Variants in CCDC85A observed in about 807,000 individuals in gnomAD.
The protein encoded by CCDC85A is coiled-coil domain-containing protein 85A.
CCDC85A carries 38 observed loss-of-function variants against 50.2 expected under a neutral mutation model. The ratio of observed to expected loss-of-function variants is 0.76; its 90% CI spans 0.58 to 0.99. CCDC85A has a LOEUF of 0.99. Ranked by LOEUF, CCDC85A falls within the 50% of genes least tolerant of loss-of-function variation. CCDC85A has a pLI of 0.00. For synonymous variants in CCDC85A, 366 were observed against 301.4 expected (o/e 1.21, Z -2.22); for missense variants, 820 against 742.0 (o/e 1.11, Z -1.22).
At chr2:56,333,623 A>G (rs973017447) in intron 2 of CCDC85A, among the ~76,000 whole-genome samples, 51 of 152,140 alleles carry the variant, frequency 3.4e-4, no homozygotes, top group African/African-American at 1.1e-3. Flanking sequence ...GTGGGTGAAA[A>G]TAGCACTGGG....
In CCDC85A at chr2:56,184,706, GC is replaced by G; in HGVS notation, c.86del (p.Pro29ArgfsTer24). ...CCCAGCCCCGGCCGGCTCGTCCGCGGCCCCGCCCGCGCCGGTGGAGGACCTG... is the reference window on the plus strand; with the variant it reads ...CCCAGCCCCGGCCGGCTCGTCCGCGGCCCGCCCGCGCCGGTGGAGGACCTG... ...CSPAPAGSSA[A>X]PPAPVEDLSK... On this transcript the variant is annotated frameshift_variant, in exon 1 of 6. Transcript: ENST00000407595. LOFTEE classifies it high-confidence loss of function. 1 of 1,528,068 alleles carries G rather than the reference GC, an allele frequency of 6.5e-7. No homozygotes were observed. Among genetic ancestry groups the G allele is most frequent in the East Asian group, 2.6e-5 (1 of 38,668 alleles). The allele number at this position is 1,528,068 out of a possible 1,614,324, so 94.7% of individuals were successfully genotyped here.
At chr2:56,286,054 G>T (rs1033314030) in intron 2 of CCDC85A, among the ~76,000 whole-genome samples, 5 of 150,710 alleles carry the variant, frequency 3.3e-5, no homozygotes, top group Non-Finnish European at 5.9e-5. Flanking sequence ...TTGTTGTTTG[G>T]GTCCATTATT....
At chr2:56,309,048 A>G (rs1382214074) in intron 2 of CCDC85A, among the ~76,000 whole-genome samples, 2 of 152,192 alleles carry the variant, frequency 1.3e-5, no homozygotes, top group African/African-American at 4.8e-5. Flanking sequence ...CTCTATAGAA[A>G]TAATAGGAAA....
intron 2 of CCDC85A, among the ~76,000 whole-genome samples, chr2:56,276,600 C>T (rs1252646803): frequency 6.6e-6 from 1 of 152,086 alleles, no homozygotes; most frequent in East Asian, 1.9e-4. Flanking sequence ...GTGAGATGTG[C>T]CTTTCACCTT....
intron 2 of CCDC85A, among the ~76,000 whole-genome samples, chr2:56,338,420 G>A (rs1674188427): frequency 6.6e-6 from 1 of 152,102 alleles, no homozygotes; most frequent in African/African-American, 2.4e-5. Flanking sequence ...AAGGGAAATA[G>A]CAGCATGGGG....
intron 5 of CCDC85A, among the ~76,000 whole-genome samples, chr2:56,383,061 C>T (rs377309814): frequency 7.9e-5 from 12 of 151,936 alleles, no homozygotes; most frequent in Admixed American, 2.6e-4. Flanking sequence ...ATTTAAGAAC[C>T]CTAACTTCAA....
chr2:56,326,945 G>A (rs1315127975), intron 2 of CCDC85A, among the ~76,000 whole-genome samples: 1 of 151,968 alleles, frequency 6.6e-6, no homozygotes, highest in Non-Finnish European at 1.5e-5. Flanking sequence ...AGAGTGTTTT[G>A]AAGTGTAAAC....
intron 2 of CCDC85A, among the ~76,000 whole-genome samples, chr2:56,304,386 A>G (rs1287233572): frequency 2.6e-5 from 4 of 152,230 alleles, no homozygotes. Context: ...GGAATATGAT[A>G]TGCATAAAAA....
At chr2:56,214,461 G>T (rs1286978823) in intron 2 of CCDC85A, among the ~76,000 whole-genome samples, 1 of 151,944 alleles carries the variant, frequency 6.6e-6, no homozygotes, top group Non-Finnish European at 1.5e-5. Context: ...GAAAGACTTT[G>T]CCAGGATGCT....
At chr2:56,204,885 T>C in intron 2 of CCDC85A, among the ~76,000 whole-genome samples, 1 of 152,208 alleles carries the variant, frequency 6.6e-6, no homozygotes, top group East Asian at 1.9e-4. Flanking sequence ...ACCACAGTGA[T>C]GAGTCTGAAC....
chr2:56,274,878 C>T (rs1670857086), intron 2 of CCDC85A, among the ~76,000 whole-genome samples: 1 of 152,132 alleles, frequency 6.6e-6, no homozygotes, highest in East Asian at 1.9e-4. Context: ...AGGGTTTTCT[C>T]TGTGGATTAC....
chr2:56,279,598 G>C (rs1432097222), intron 2 of CCDC85A, among the ~76,000 whole-genome samples: 2 of 151,964 alleles, frequency 1.3e-5, no homozygotes, highest in Non-Finnish European at 2.9e-5. Context: ...CCAAGCTTTT[G>C]GTAACCATCA....
intron 2 of CCDC85A, among the ~76,000 whole-genome samples, chr2:56,258,855 A>G: frequency 6.6e-6 from 1 of 152,230 alleles, no homozygotes; most frequent in East Asian, 1.9e-4. Context: ...GAGGACTTCC[A>G]GTTGGATTTC....
At chr2:56,267,972 T>C (rs1311930448) in intron 2 of CCDC85A, among the ~76,000 whole-genome samples, 1 of 152,202 alleles carries the variant, frequency 6.6e-6, no homozygotes, top group African/African-American at 2.4e-5. Flanking sequence ...CAAGGACAAA[T>C]CTCATAGACT....
intron 3 of CCDC85A, among the ~76,000 whole-genome samples, chr2:56,370,194 G>A (rs904750664): frequency 6.6e-6 from 1 of 152,078 alleles, no homozygotes; most frequent in African/African-American, 2.4e-5. Context: ...CCACCATTTT[G>A]AGCCCCCAAG....
At chr2:56,198,852 G>A (rs1477183) in intron 2 of CCDC85A, among the ~76,000 whole-genome samples, 4,813 of 152,132 alleles carry the variant, frequency 0.032, 246 homozygotes, top group African/African-American at 0.11. Flanking sequence ...CTTTAATATT[G>A]CGTCTGCACA....
intron 2 of CCDC85A, among the ~76,000 whole-genome samples, chr2:56,212,557 C>G: frequency 6.6e-6 from 1 of 151,994 alleles, no homozygotes; most frequent in East Asian, 1.9e-4. Context: ...GGGAGGAAAA[C>G]TATGAAAGAG....
intron 2 of CCDC85A, among the ~76,000 whole-genome samples, chr2:56,303,648 ATT>A (rs1357174619): frequency 6.6e-6 from 1 of 152,092 alleles, no homozygotes; most frequent in Non-Finnish European, 1.5e-5. Flanking sequence ...AATAATTATT[ATT>A]TTTTCTCTCT....
intron 2 of CCDC85A, among the ~76,000 whole-genome samples, chr2:56,329,071 AG>A (rs1673627242): frequency 6.6e-6 from 1 of 152,056 alleles, no homozygotes; most frequent in South Asian, 2.1e-4. Flanking sequence ...TCTCCTTTCC[AG>A]GAGACAACTG....
Sources: allele counts gnomAD v4.1 joint callset (sites outside exome capture counted in the v4.1 genomes callset), GRCh38; gene constraint gnomAD v4.1.1; transcripts MANE v1.5; gene names NCBI Gene and HGNC (gene_info 2026-07-23, HGNC 2026-07-21).